Variants in SYT15 observed in about 807,000 individuals in gnomAD.
The protein encoded by SYT15 is synaptotagmin-15.
SYT15 carries 4 observed loss-of-function variants against 30.1 expected under a neutral mutation model. The observed-to-expected ratio is 0.13, with a 90% CI of 0.07 to 0.30. The LOEUF is 0.30. Among genes scored for constraint, SYT15 ranks in the 10% least tolerant of loss-of-function variants. SYT15 has a pLI of 1.00. For missense variants in SYT15, 49 were observed against 371.7 expected (o/e 0.13, Z 7.14); for synonymous variants, 19 against 166.3 (o/e 0.11, Z 6.82).
downstream of SYT15, chr10:46,596,382 T>C (rs1422108303): frequency 6.8e-6 from 1 of 147,706 alleles, no homozygotes; most frequent in Non-Finnish European, 1.5e-5. Flanking sequence ...TTAAACCATC[T>C]TTCTGCTTTC....
rs781975518 is a variant in SYT15, at chr10:46,581,916, G to T, written c.376G>T (p.Ala126Ser). The part of the protein sequence containing the change: ...GGLGDACMVG[A>S]INPELYKFPE... ...CATAGGAGATGCATGTATGGTGGGGGCCATCAACCCAGAGCTGTACAAGTT... is the reference window on the plus strand; with the variant it reads ...CATAGGAGATGCATGTATGGTGGGGTCCATCAACCCAGAGCTGTACAAGTT... Residue 126 changes from alanine (A) to serine (S), a missense_variant, in exon 4 of 8, where the codon GCC becomes TCC. Coordinates refer to ENST00000374321, the MANE Select transcript of SYT15 (RefSeq NM_031912.5). 5.8e-6 allele frequency: 9 copies of T among 1,555,518 alleles called. No homozygotes were observed. The highest frequency in any genetic ancestry group is 1.6e-5 in the African/African-American group (1 of 60,782).
chr10:46,584,507 T>C lies in SYT15; in HGVS notation c.835T>C (p.Phe279Leu). ...EAESLEPPSE[F>L]GDLQFCLSYN... is the part of the protein sequence containing the mutation. Reference sequence around the variant, plus strand: ...TTGGCCTCCCCAGCCCCCCTCGGAGTTTGGCGACCTCCAGTTCTGCCTCAG... The same window carrying C: ...TTGGCCTCCCCAGCCCCCCTCGGAGCTTGGCGACCTCCAGTTCTGCCTCAG... The change falls in exon 6 of 8, where the codon TTT becomes CTT. Residue 279 changes from phenylalanine (F) to leucine (L), a missense_variant. Physicochemically the swap from Phe to Leu is conservative, Grantham distance 22 (BLOSUM62 0). Transcript: ENST00000374321. 6.2e-7 allele frequency: 1 copy of C among 1,611,968 alleles called. No homozygotes were observed. Among genetic ancestry groups the C allele is most frequent in the African/African-American group, 1.3e-5 (1 of 74,762 alleles).
chr10:46,593,288 A>C, downstream of SYT15: 2 of 144,320 alleles, frequency 1.4e-5, 1 homozygote, highest in South Asian at 4.4e-4. Flanking sequence ...CATTTGCAGC[A>C]GTTTAAGTAT....
At chr10:46,584,807 C>T (rs1390156906) in intron 6 of SYT15, among the ~76,000 whole-genome samples, 192 bp downstream of exon 6, 1 of 149,746 alleles carries the variant, frequency 6.7e-6, no homozygotes, top group Non-Finnish European at 1.5e-5. Context: ...TGTGTTGAAC[C>T]CAAAGCTGCA....
At chr10:46,586,473 G>T (rs2133445021) in intron 7 of SYT15, among the ~76,000 whole-genome samples, 1 of 86,084 alleles carries the variant, frequency 1.2e-5, no homozygotes, top group South Asian at 5.1e-4. Flanking sequence ...ATGAGCCTGG[G>T]AGGCGGAGCT....
intron 7 of SYT15, among the ~76,000 whole-genome samples, chr10:46,586,629 G>A (rs1344804730): frequency 2.1e-5 from 3 of 141,544 alleles, no homozygotes; most frequent in African/African-American, 5.5e-5. Flanking sequence ...GGTGGATCAC[G>A]ACGTCAAGAG....
chr10:46,594,545 G>T (rs1444544196), downstream of SYT15, among the ~76,000 whole-genome samples: 8 of 142,268 alleles, frequency 5.6e-5, no homozygotes, highest in Admixed American at 5.6e-4. Context: ...ATGATATCTC[G>T]GCCCCTTCAG....
At chr10:46,586,264 G>A (rs1297363572) in intron 7 of SYT15, among the ~76,000 whole-genome samples, 4 of 92,542 alleles carry the variant, frequency 4.3e-5, no homozygotes, top group Non-Finnish European at 8.7e-5. Context: ...AAAAAAAAAA[G>A]GGCCGGGCAC....
rs1844273294 is a variant in SYT15 at position 46,582,011 on chromosome 10, T to C, written c.471T>C (p.Tyr157=). 6.3e-7 allele frequency: 1 copy of C among 1,583,798 alleles called. No homozygotes were observed. Among genetic ancestry groups the C allele is most frequent in the Admixed American group, 1.7e-5 (1 of 58,442 alleles). Residue 157 remains tyrosine, a synonymous_variant, in exon 4 of 8, where the codon TAT becomes TAC. Transcript: ENST00000374321. ...CLGRLWFSVE[Y]EQEAERLLVG... is the part of the protein sequence containing the mutation. ...GGCGGCTGTGGTTCTCGGTGGAATATGAGCAGGAGGCTGAGCGGCTGCTGG... is the reference window on the plus strand; with the variant it reads ...GGCGGCTGTGGTTCTCGGTGGAATACGAGCAGGAGGCTGAGCGGCTGCTGG...
Position 46,582,090 on chromosome 10 carries a change from CT to C in SYT15, c.551del (p.Leu184ArgfsTer2). The stretch of plus-strand genomic sequence containing the variant: ...AGCCCCCTCGGAGACCTGCAGCCCC[CT>C]GGTGAAGCTCTACCTGCTGCCCGAT... ...LQAPSETCSP[L>X]VKLYLLPDER... On this transcript the variant is annotated frameshift_variant, in exon 4 of 8. Transcript: ENST00000374321. LOFTEE classifies it high-confidence loss of function. 6.2e-7 allele frequency: 1 copy of C among 1,607,282 alleles called. No individual in the cohort carries two copies. Among genetic ancestry groups the C allele is most frequent in the Non-Finnish European group, 8.5e-7 (1 of 1,176,628 alleles).
At chr10:46,580,684 G>C (rs1261898405) in intron 2 of SYT15, among the ~76,000 whole-genome samples, 4 of 4,490 alleles carry the variant, frequency 8.9e-4, no homozygotes, top group Non-Finnish European at 0.011. Flanking sequence ...CCACTGCTGT[G>C]TGTGTGTGTG....
intron 2 of SYT15, among the ~76,000 whole-genome samples, 175 bp from the exon 3 acceptor site, chr10:46,580,713 TGTGTGC>T (rs1246707343): frequency 1.0e-4 from 10 of 97,266 alleles, no homozygotes; most frequent in South Asian, 3.3e-4. Flanking sequence ...TGTGTGTGTG[TGTGTGC>T]GTGTGTGTGT....
intron 7 of SYT15, among the ~76,000 whole-genome samples, chr10:46,586,540 C>T (rs1240452006): frequency 1.8e-5 from 2 of 108,734 alleles, no homozygotes; most frequent in Non-Finnish European, 3.7e-5. Context: ...AGCGAGACTT[C>T]GTCTCAAAAA....
In SYT15 at chr10:46,580,835, C is replaced by T. The variant is rs200460467; in HGVS notation, c.213-59C>T. Reference sequence around the variant, plus strand: ...CTGGTGCTCAACCGTCCTGGCTGAGCGCTCTGAGACCACACCATTGACTTG... The same window carrying T: ...CTGGTGCTCAACCGTCCTGGCTGAGTGCTCTGAGACCACACCATTGACTTG... On this transcript the variant is annotated intron_variant, in intron 2 of 7. Coordinates refer to ENST00000374321, the MANE Select transcript of SYT15 (RefSeq NM_031912.5). The T allele has an allele frequency of 7.0e-4, 982 of 1,404,996 alleles. 54 individuals are homozygous for T. The East Asian group carries it at 0.018, about 26-fold the overall frequency. 87.0% of individuals were successfully genotyped at this position (1,404,996 alleles called of 1,614,324 possible). A position where few individuals can be genotyped will look rare whatever the true frequency, so the allele number is the denominator to read the frequency against.
chr10:46,594,189 ATGTC>A (rs1845583080), downstream of SYT15: 1 of 98,650 alleles, frequency 1.0e-5, no homozygotes, highest in Non-Finnish European at 2.0e-5. Context: ...TCTGAAAACA[ATGTC>A]TGTCTCAAGG....
At chr10:46,586,388 T>TA (rs1170643973) in intron 7 of SYT15, among the ~76,000 whole-genome samples, 1 of 120,284 alleles carries the variant, frequency 8.3e-6, no homozygotes, top group East Asian at 2.3e-4. Flanking sequence ...CTACTAAAAA[T>TA]ACAAAAAATT....
At chr10:46,580,569 T>C in intron 2 of SYT15, among the ~76,000 whole-genome samples, 1 of 130,744 alleles carries the variant, frequency 7.6e-6, no homozygotes. Flanking sequence ...TGAGGCTCAG[T>C]GCACATAAGC....
At chr10:46,586,524 C>A (rs1844955158) in intron 7 of SYT15, among the ~76,000 whole-genome samples, 2 of 101,212 alleles carry the variant, frequency 2.0e-5, no homozygotes, top group Admixed American at 2.0e-4. Flanking sequence ...CCAGCCTGGG[C>A]AACAGAGCGA....
intron 5 of SYT15, among the ~76,000 whole-genome samples, chr10:46,584,278 T>C (rs1194941807): frequency 4.0e-5 from 6 of 151,802 alleles, no homozygotes; most frequent in African/African-American, 1.5e-4. Context: ...GACCTGGGTG[T>C]GACTCCTTAG....
Sources: allele counts gnomAD v4.1 joint callset (sites outside exome capture counted in the v4.1 genomes callset), GRCh38; gene constraint gnomAD v4.1.1; transcripts MANE v1.5; gene names NCBI Gene and HGNC (gene_info 2026-07-23, HGNC 2026-07-21).